Variants in DLGAP1 observed in about 807,000 individuals in gnomAD.
The protein encoded by DLGAP1 is disks large-associated protein 1.
A neutral mutation model predicts 90.8 loss-of-function variants in DLGAP1; 11 were observed. The observed-to-expected ratio is 0.12, with a 90% CI of 0.08 to 0.20. The LOEUF (loss-of-function observed/expected upper bound fraction) is 0.20. DLGAP1 is among the 10% of genes least tolerant of loss of function. DLGAP1 has a pLI of 1.00. For synonymous variants in DLGAP1, 558 were observed against 540.7 expected (o/e 1.03, Z -0.44); for missense variants, 1,050 against 1,333.8 (o/e 0.79, Z 3.31).
chr18:4,064,407 C>G (rs564890133), intron 2 of DLGAP1, among the ~76,000 whole-genome samples: 22 of 149,262 alleles, frequency 1.5e-4, no homozygotes, highest in African/African-American at 5.2e-4. Flanking sequence ...AATGAATCCA[C>G]GAGATTTTTC....
At chr18:4,258,006 TGTGTGCGC>T (rs1167974172) in intron 1 of DLGAP1, among the ~76,000 whole-genome samples, 2,053 of 143,588 alleles carry the variant, frequency 0.014, 40 homozygotes, top group African/African-American at 0.049. Context: ...TGTGTGTGTG[TGTGTGCGC>T]GCGCGCGCGT....
chr18:4,215,861 G>A (rs894433846), intron 1 of DLGAP1, among the ~76,000 whole-genome samples: 1 of 152,154 alleles, frequency 6.6e-6, no homozygotes, highest in East Asian at 1.9e-4. Flanking sequence ...GTGGGAGCAG[G>A]AACACATTTG....
chr18:4,323,742 T>C (rs911943710), intron 1 of DLGAP1, among the ~76,000 whole-genome samples: 7 of 151,934 alleles, frequency 4.6e-5, no homozygotes, highest in Non-Finnish European at 1.0e-4. Flanking sequence ...TAAAATTACA[T>C]GGAAATTAAA....
chr18:3,865,651 G>A (rs903078082), intron 4 of DLGAP1, among the ~76,000 whole-genome samples: 2 of 152,150 alleles, frequency 1.3e-5, no homozygotes, highest in Non-Finnish European at 2.9e-5. Context: ...ATGTTATGGT[G>A]GAAAGCAAAC....
intron 7 of DLGAP1, among the ~76,000 whole-genome samples, chr18:3,636,393 A>G (rs1199329667): frequency 2.6e-5 from 4 of 151,768 alleles, no homozygotes; most frequent in South Asian, 4.2e-4. Flanking sequence ...TTTGTTTTCA[A>G]TTATACTTTT....
In DLGAP1 at chr18:4,268,055, A is replaced by G. The variant is rs2079170098; in HGVS notation, c.-266-116768T>C. On this transcript the variant is annotated intron_variant, in intron 1 of 12. Coordinates refer to ENST00000315677, the MANE Select transcript of DLGAP1 (RefSeq NM_004746.4). Reference sequence around the variant, plus strand: ...CAGGAGAGGGTGGTGAGCAGAGGCCATCTTGGAGGCTGGCTGTCATAGATG... The same window carrying G: ...CAGGAGAGGGTGGTGAGCAGAGGCCGTCTTGGAGGCTGGCTGTCATAGATG... Among the ~76,000 whole-genome samples the G allele has an allele frequency of 2.0e-5, 3 of 152,214 alleles. No homozygotes were observed. The South Asian group carries it at 6.2e-4, about 32-fold the overall frequency.
At chr18:4,386,287 C>A (rs487217) in intron 1 of DLGAP1, among the ~76,000 whole-genome samples, 140,914 of 152,030 alleles carry the variant, frequency 0.93, 66,267 homozygotes, top group East Asian at 1. Flanking sequence ...CTGTAATTTC[C>A]CAGGCAGTGT....
rs1419449703 is a variant in DLGAP1 at position 4,454,477 on chromosome 18, G to A, written c.-267+529C>T. The stretch of plus-strand genomic sequence containing the variant: ...CTTTGGCTTTCTCTTACAAACGCAC[G>A]GGGGAGTTGGTCCTTTTCCACAATG... On this transcript the variant is annotated intron_variant, in intron 1 of 12. Transcript: ENST00000315677. The surrounding 1 kb of genome is among the most constrained non-coding windows in gnomAD (Gnocchi z 4.7). 1.3e-5 allele frequency among the ~76,000 whole-genome samples: 2 copies of A among 152,026 alleles called. No individual in the cohort carries two copies. Among genetic ancestry groups the A allele is most frequent in the Non-Finnish European group, 2.9e-5 (2 of 68,014 alleles).
chr18:4,270,202 G>A (rs473365), intron 1 of DLGAP1, among the ~76,000 whole-genome samples: 13,139 of 152,156 alleles, frequency 0.086, 1,196 homozygotes, highest in African/African-American at 0.23. Flanking sequence ...GGTTTCATTC[G>A]CACTTGGCAC....
chr18:3,515,038 G>A (rs4065368), intron 10 of DLGAP1, among the ~76,000 whole-genome samples: 85,221 of 152,054 alleles, frequency 0.56, 26,415 homozygotes, highest in East Asian at 0.77. Flanking sequence ...TCACTGCCCC[G>A]GCTGGCTGTG....
intron 5 of DLGAP1, among the ~76,000 whole-genome samples, chr18:3,807,533 G>T (rs1046737389): frequency 6.6e-6 from 1 of 152,088 alleles, no homozygotes; most frequent in African/African-American, 2.4e-5. Flanking sequence ...TGTAAAGCCC[G>T]TAGCACTCAG....
chr18:4,422,461 T>A (rs2083061990), intron 1 of DLGAP1, among the ~76,000 whole-genome samples: 1 of 151,968 alleles, frequency 6.6e-6, no homozygotes, highest in African/African-American at 2.4e-5. Flanking sequence ...CCTATGGGTT[T>A]AAATGTTGTG....
At chr18:3,832,869 C>G (rs530012186) in intron 4 of DLGAP1, among the ~76,000 whole-genome samples, 251 of 152,192 alleles carry the variant, frequency 1.6e-3, no homozygotes, top group Non-Finnish European at 2.7e-3. Context: ...GTGCCCCCCC[C>G]ATCACTGAGG....
At chr18:3,542,242 C>T (rs2052734570) in intron 9 of DLGAP1, among the ~76,000 whole-genome samples, 4 of 152,298 alleles carry the variant, frequency 2.6e-5, no homozygotes, top group South Asian at 4.2e-4. Context: ...CATTTCCACC[C>T]CACTGATGTA....
At chr18:4,403,424 G>A (rs575801521) in intron 1 of DLGAP1, among the ~76,000 whole-genome samples, 2 of 152,104 alleles carry the variant, frequency 1.3e-5, no homozygotes, top group African/African-American at 4.8e-5. Flanking sequence ...CAATAATAAT[G>A]CTTAATGTTA....
At chr18:4,289,237 G>A (rs892156643) in intron 1 of DLGAP1, among the ~76,000 whole-genome samples, 5 of 152,100 alleles carry the variant, frequency 3.3e-5, no homozygotes, top group African/African-American at 1.2e-4. Flanking sequence ...GTTTGTCTAG[G>A]GTGGAAGGGA....
intron 2 of DLGAP1, among the ~76,000 whole-genome samples, chr18:4,123,574 T>C (rs958869665): frequency 3.3e-5 from 5 of 152,214 alleles, no homozygotes; most frequent in Non-Finnish European, 5.9e-5. Flanking sequence ...CATGCCCAGC[T>C]GGGCAGAACA....
intron 3 of DLGAP1, among the ~76,000 whole-genome samples, chr18:3,971,435 G>A (rs779776077): frequency 2.6e-5 from 4 of 151,904 alleles, no homozygotes; most frequent in Admixed American, 1.3e-4. Flanking sequence ...TAAAATGTAT[G>A]CTAACATATA....
At chr18:4,153,986 T>C (rs1025213493) in intron 1 of DLGAP1, among the ~76,000 whole-genome samples, 2 of 152,166 alleles carry the variant, frequency 1.3e-5, no homozygotes, top group African/African-American at 4.8e-5. Flanking sequence ...ACATGGAAGG[T>C]GGAACAAGAA....
Sources: allele counts gnomAD v4.1 joint callset (sites outside exome capture counted in the v4.1 genomes callset), GRCh38; gene constraint gnomAD v4.1.1; non-coding constraint Gnocchi (gnomAD v3.1); transcripts MANE v1.5; gene names NCBI Gene and HGNC (gene_info 2026-07-23, HGNC 2026-07-21).